The following ZNF534 variants were observed in gnomAD, a reference collection of about 807,000 sequenced individuals.
The protein encoded by ZNF534 is zinc finger protein 534.
A neutral mutation model predicts 13.6 loss-of-function variants in ZNF534; 19 were observed. The observed-to-expected ratio is 1.40, with a 90% CI of 0.97 to 2.05. The LOEUF (loss-of-function observed/expected upper bound fraction) is 2.05, where lower values mean the gene tolerates loss of function less well. Among genes scored for constraint, ZNF534 ranks in the 30% most tolerant of loss-of-function variants. ZNF534 has a pLI of 0.00. For synonymous variants in ZNF534, 244 were observed against 273.8 expected (o/e 0.89, Z 1.07); for missense variants, 782 against 796.3 (o/e 0.98, Z 0.22).
chr19:52,447,933 G>A (rs2561021), intron 4 of ZNF534, among the ~76,000 whole-genome samples: 138,707 of 151,548 alleles, frequency 0.92, 63,822 homozygotes, highest in Non-Finnish European at 0.96. Flanking sequence ...CATAATAATG[G>A]TTTCATAAAT....
At chr19:52,433,568 G>C (rs149090673) in intron 2 of ZNF534, among the ~76,000 whole-genome samples, 188 of 152,204 alleles carry the variant, frequency 1.2e-3, no homozygotes, top group African/African-American at 4.3e-3. Flanking sequence ...GGGTTTCACC[G>C]TGTTGGCCAA....
chr19:52,435,645 G>T lies in ZNF534; in HGVS notation c.271+436G>T, dbSNP rs189147256. Among the ~76,000 whole-genome samples the T allele has an allele frequency of 1.6e-4, 25 of 151,972 alleles. No homozygotes were observed. In the East Asian group the frequency reaches 4.9e-3, roughly 30 times the overall value. On this transcript the variant is annotated intron_variant, in intron 4 of 4. Transcript: ENST00000433050. ...CAGCCTTCTGAATAGCTGGGACTCT[G>T]TGTGTACACCACCATGCCTATCTAG...
In ZNF534 at chr19:52,442,063, T is replaced by C. The variant is rs1300029692; in HGVS notation, c.*2617T>C. Among the ~76,000 whole-genome samples, 1 of 144,880 alleles carries C rather than the reference T, an allele frequency of 6.9e-6. No individual in the cohort carries two copies. The highest frequency in any genetic ancestry group is 2.5e-5 in the African/African-American group (1 of 39,326). On this transcript the variant is annotated 3_prime_UTR_variant, in exon 5 of 5. Coordinates refer to ENST00000433050, the MANE Select transcript of ZNF534 (RefSeq NM_001143938.3). ...CTAGAAATCAAAATATACTTTTGGA[T>C]AAAACGACACAGATGGATTGTATAT...
chr19:52,434,934 C>T, intron 3 of ZNF534, 147 bp from the exon 4 acceptor site: 2 of 1,004,800 alleles, frequency 2.0e-6, no homozygotes, highest in Non-Finnish European at 2.8e-6. Flanking sequence ...TACAATGTTC[C>T]CTTAGCATTC....
intron 3 of ZNF534, 46 bp downstream of exon 3, chr19:52,434,127 C>G (rs570298419): frequency 6.3e-7 from 1 of 1,584,674 alleles, no homozygotes; most frequent in South Asian, 1.1e-5. Flanking sequence ...TCTGGTATAT[C>G]TTTTTGCATT....
chr19:52,429,167 A>G lies in ZNF534; in HGVS notation c.-145A>G, dbSNP rs8182486. On this transcript the variant is annotated 5_prime_UTR_variant, in exon 1 of 5. It removes an upstream start codon present in the reference 5' UTR. Transcript: ENST00000433050. ...TCCTGCAGACCCGGAAGTCGAGATC[A>G]TGGAGTGAACGTTTCGCGCGCTTTT... is the stretch of plus-strand genomic sequence containing the variant. The G allele has an allele frequency of 0.16, 24,389 of 152,158 alleles. 2,747 individuals carry two copies. Among genetic ancestry groups the G allele is most frequent in the African/African-American group, 0.32 (13,474 of 41,466 alleles). 9.4% of individuals were successfully genotyped at this position (152,158 alleles called of 1,614,324 possible). A position where few individuals can be genotyped will look rare whatever the true frequency, so the allele number is the denominator to read the frequency against.
chr19:52,445,039 A>T (rs2059189354), downstream of ZNF534, among the ~76,000 whole-genome samples: 1 of 152,030 alleles, frequency 6.6e-6, no homozygotes, highest in Admixed American at 6.6e-5. Context: ...ATTCAGTTGG[A>T]ATTGTTACAA....
At position 52,441,569 on chromosome 19, in the gene ZNF534, T is replaced by G. The variant is rs2059172891; in HGVS notation, c.*2123T>G. Among the ~76,000 whole-genome samples, 2 of 152,096 alleles carry G rather than the reference T, an allele frequency of 1.3e-5. No homozygotes were observed. The highest frequency in any genetic ancestry group is 2.9e-5 in the Non-Finnish European group (2 of 68,034). On this transcript the variant is annotated 3_prime_UTR_variant, in exon 5 of 5. Transcript: ENST00000433050. ...TCAGTCACAAGTATTCCCTAACAAA[T>G]CACTATAGAATTCATACTGCAGAGA...
At chr19:52,430,549 C>CTTTTTTT (rs1390142460) in intron 1 of ZNF534, among the ~76,000 whole-genome samples, 2 of 146,030 alleles carry the variant, frequency 1.4e-5, no homozygotes, top group African/African-American at 5.3e-5. Flanking sequence ...GAGGTCTGTG[C>CTTTTTTT]TTTTTTTTTG....
downstream of ZNF534, among the ~76,000 whole-genome samples, chr19:52,444,310 G>A (rs2059186710): frequency 6.6e-6 from 1 of 152,172 alleles, no homozygotes; most frequent in African/African-American, 2.4e-5. Context: ...CAGGCTCCAG[G>A]CTGGTACTGG....
At position 52,442,456 on chromosome 19, in the gene ZNF534, C is replaced by T. The variant is rs1442183016; in HGVS notation, c.*3010C>T. On this transcript the variant is annotated 3_prime_UTR_variant, in exon 5 of 5. Transcript: ENST00000433050. ...TAATCTATAATCAATAGAAACAATG[C>T]TTATCACTGGCTTGCTCTCAATAAA... Among the ~76,000 whole-genome samples, 2 of 152,228 alleles carry T rather than the reference C, an allele frequency of 1.3e-5. No individual in the cohort carries two copies. Among genetic ancestry groups the T allele is most frequent in the African/African-American group, 4.8e-5 (2 of 41,456 alleles).
intron 4 of ZNF534, among the ~76,000 whole-genome samples, chr19:52,450,709 T>G (rs1479650349): frequency 5.6e-5 from 7 of 125,960 alleles, no homozygotes; most frequent in African/African-American, 1.2e-4. Flanking sequence ...TTTTTTTTTT[T>G]AGACAAGGTC....
chr19:52,433,812 C>T, intron 2 of ZNF534, 143 bp from the exon 3 acceptor site: 1 of 876,580 alleles, frequency 1.1e-6, no homozygotes, highest in South Asian at 1.4e-5. Context: ...ATCACAGACA[C>T]ATAACTAGCT....
Position 52,429,178 on chromosome 19 carries a change from G to GT in ZNF534, c.-131dup, listed in dbSNP as rs1463258840. ...CGGAAGTCGAGATCATGGAGTGAAC[G>GT]TTTCGCGCGCTTTTTCCTGTAGACC... On this transcript the variant is annotated 5_prime_UTR_variant, in exon 1 of 5. Transcript: ENST00000433050. 1 of 152,206 alleles carries GT rather than the reference G, an allele frequency of 6.6e-6. No homozygotes were observed. Among genetic ancestry groups the GT allele is most frequent in the Admixed American group, 6.5e-5 (1 of 15,274 alleles). 9.4% of individuals were successfully genotyped at this position (152,206 alleles called of 1,614,324 possible).
At chr19:52,437,581 C>A in intron 4 of ZNF534, 151 bp from the exon 5 acceptor site, 2 of 746,242 alleles carry the variant, frequency 2.7e-6, no homozygotes, top group Non-Finnish European at 4.2e-6. Flanking sequence ...TGCACTCCAG[C>A]CTGGGTGACA....
chr19:52,438,956 G>A lies in ZNF534; in HGVS notation c.1496G>A (p.Cys499Tyr), dbSNP rs769731417. 3.7e-6 allele frequency: 6 copies of A among 1,604,946 alleles called. No homozygotes were observed. Among genetic ancestry groups the A allele is most frequent in the Non-Finnish European group, 5.1e-6 (6 of 1,175,130 alleles). ...TGEKLYKCNECGKVFRQNSHL... is the reference protein window; with the variant it reads ...TGEKLYKCNEYGKVFRQNSHL... ...GAGAAGCTTTACAAATGTAATGAAT[G>A]TGGCAAGGTCTTCCGTCAGAATTCA... The change falls in exon 5 of 5, where the codon TGT (cysteine) becomes TAT (tyrosine). Residue 499 changes from cysteine to tyrosine, a missense_variant. By Grantham distance (194) the Cys-to-Tyr change is radical (BLOSUM62 -2). Transcript: ENST00000433050.
chr19:52,447,465 TTTTG>T (rs2059198405), downstream of ZNF534, among the ~76,000 whole-genome samples: 1 of 152,194 alleles, frequency 6.6e-6, no homozygotes, highest in Admixed American at 6.5e-5. Flanking sequence ...CAGTTTTGTT[TTTTG>T]TTTTTCTTTT....
At chr19:52,450,704 T>C (rs1252362806) in intron 4 of ZNF534, among the ~76,000 whole-genome samples, 1 of 116,210 alleles carries the variant, frequency 8.6e-6, no homozygotes, top group Admixed American at 1.1e-4. Flanking sequence ...TTTGTTTTTT[T>C]TTTTTAGACA....
chr19:52,450,683 TTGTTTTTGTTTTTG>T (rs1230288781), intron 4 of ZNF534, among the ~76,000 whole-genome samples: 3,552 of 15,854 alleles, frequency 0.22, 715 homozygotes, highest in Non-Finnish European at 0.36. Flanking sequence ...TTTTTTTTTT[TTGTTTTTGTTTTTG>T]TTTTTTTTTT....
Sources: gnomAD v4.1 joint callset for allele counts (sites outside exome capture counted in the v4.1 genomes callset) on GRCh38, gnomAD v4.1.1 for gene constraint, MANE v1.5 for transcripts, NCBI Gene and HGNC (gene_info 2026-07-23, HGNC 2026-07-21) for gene names.